Variants in VCAN observed in about 807,000 individuals in gnomAD.
VCAN encodes versican core protein.
A neutral mutation model predicts 245.5 loss-of-function variants in VCAN; 44 were observed. The ratio of observed to expected loss-of-function variants is 0.18; its 90% confidence interval spans 0.14 to 0.23. VCAN has a LOEUF of 0.23. Among genes scored for constraint, VCAN ranks in the 10% least tolerant of loss-of-function variants. The pLI, the probability that VCAN is intolerant of heterozygous loss-of-function variation, is 1.00. For missense variants in VCAN, 3,793 were observed against 4,057.9 expected (o/e 0.93, Z 1.77); for synonymous variants, 1,413 against 1,437.0 (o/e 0.98, Z 0.38).
At chr5:83,514,615 G>T (rs755013098) in intron 6 of VCAN, among the ~76,000 whole-genome samples, 36 of 151,682 alleles carry the variant, frequency 2.4e-4, no homozygotes, top group African/African-American at 7.7e-4. Flanking sequence ...ATGCGCCACC[G>T]TGCCCGGCTA....
At chr5:83,495,270 C>T (rs913339004) in intron 5 of VCAN, among the ~76,000 whole-genome samples, 6 of 152,028 alleles carry the variant, frequency 3.9e-5, no homozygotes, top group Non-Finnish European at 5.9e-5. Flanking sequence ...TCTTAGAGCC[C>T]GAAAGCTAGA....
intron 1 of VCAN, among the ~76,000 whole-genome samples, chr5:83,477,550 A>G (rs1744435730): frequency 6.6e-6 from 1 of 152,224 alleles, no homozygotes; most frequent in South Asian, 2.1e-4. Flanking sequence ...ATAAAAGAAA[A>G]TCATGGGATT....
In VCAN at chr5:83,538,783, G is replaced by A. The variant is rs1293520068; in HGVS notation, c.5780G>A (p.Gly1927Asp). The A allele has an allele frequency of 5.6e-6, 9 of 1,613,894 alleles. No homozygotes were observed. The highest frequency in any genetic ancestry group is 1.1e-5 in the South Asian group (1 of 91,074). ...YGAEIRGFST[G>D]FPLEEDFSGD... is the part of the protein sequence containing the mutation. Reference sequence around the variant, plus strand: ...GCAGAAATAAGGGGCTTTTCCACAGGTTTTCCTTTGGAGGAAGATTTCAGT... The same window carrying A: ...GCAGAAATAAGGGGCTTTTCCACAGATTTTCCTTTGGAGGAAGATTTCAGT... Residue 1927 changes from glycine (G) to aspartate (D), a missense_variant, in exon 8 of 15, where the codon GGT (glycine) becomes GAT (aspartate). Transcript: ENST00000265077.
At position 83,537,274 on chromosome 5, in the gene VCAN, C is replaced by A; in HGVS notation, c.4271C>A (p.Pro1424Gln). Residue 1424 changes from proline (P) to glutamine (Q), a missense_variant, in exon 8 of 15, where the codon CCA becomes CAA. By Grantham distance (76) the Pro-to-Gln change is moderately conservative. Transcript: ENST00000265077. ...KHLVTTVPKD[P>Q]EAAEARRGQF... ...CTCGTTACCACTGTGCCCAAGGACC[C>A]AGAAGCTGCAGAAGCTAGGCGTGGC... is the stretch of plus-strand genomic sequence containing the variant. 1 of 1,613,910 alleles carries A rather than the reference C, an allele frequency of 6.2e-7. No homozygotes were observed. The highest frequency in any genetic ancestry group is 8.5e-7 in the Non-Finnish European group (1 of 1,179,952).
At chr5:83,536,826 G>T (rs2112438659) in intron 7 of VCAN, 181 bp from the exon 8 acceptor site, 3 of 517,528 alleles carry the variant, frequency 5.8e-6, no homozygotes, top group East Asian at 6.3e-5. Context: ...TTTTCTTATT[G>T]TTAATACAAA....
intron 2 of VCAN, among the ~76,000 whole-genome samples, chr5:83,486,909 G>A (rs965707116): frequency 1.3e-5 from 2 of 152,318 alleles, no homozygotes; most frequent in South Asian, 4.1e-4. Context: ...GTAGTAACTT[G>A]TTGAGTCAAG....
intron 5 of VCAN, among the ~76,000 whole-genome samples, chr5:83,500,025 A>T (rs1374590424): frequency 6.6e-6 from 1 of 152,120 alleles, no homozygotes; most frequent in East Asian, 1.9e-4. Flanking sequence ...GCATCTGGAG[A>T]TTGTGTAATT....
In VCAN at chr5:83,547,206, C is replaced by G. The variant is rs117036545; in HGVS notation, c.9380-765C>G. 8.4e-4 allele frequency among the ~76,000 whole-genome samples: 128 copies of G among 152,224 alleles called. 1 individual carries two copies. The East Asian group carries it at 0.016, about 19-fold the overall frequency. On this transcript the variant is annotated intron_variant, in intron 9 of 14. Coordinates refer to ENST00000265077, the MANE Select transcript of VCAN (RefSeq NM_004385.5). Reference sequence around the variant, plus strand: ...TGACAGTCTAAGAAGGTCCTGAGTTCAGGATACTGAATAGTGTTACTTCAC... The same window carrying G: ...TGACAGTCTAAGAAGGTCCTGAGTTGAGGATACTGAATAGTGTTACTTCAC...
In VCAN at chr5:83,512,696, C is replaced by A. The variant is rs145531424; in HGVS notation, c.1042+300C>A. On this transcript the variant is annotated intron_variant, in intron 6 of 14. Transcript: ENST00000265077. ...CTAAGTATTTTATATTAATTGCAGT[C>A]CTTAAGTTTTGCAATTTGTTTATTG... The A allele has an allele frequency of 1.0e-3, 259 of 256,702 alleles. 2 individuals carry two copies. The highest frequency in any genetic ancestry group is 5.3e-3 in the African/African-American group (241 of 45,394). The allele number at this position is 256,702 out of a possible 1,614,324, so 15.9% of individuals were successfully genotyped here. A position where few individuals can be genotyped will look rare whatever the true frequency, so the allele number is the denominator to read the frequency against.
At chr5:83,503,028 T>C (rs1745377681) in intron 5 of VCAN, among the ~76,000 whole-genome samples, 1 of 152,158 alleles carries the variant, frequency 6.6e-6, no homozygotes, top group South Asian at 2.1e-4. Flanking sequence ...AATAATCAAA[T>C]CTTAGAGGAA....
intron 12 of VCAN, among the ~76,000 whole-genome samples, chr5:83,555,653 A>C (rs1580063427): frequency 6.6e-6 from 1 of 152,206 alleles, no homozygotes; most frequent in Non-Finnish European, 1.5e-5. Context: ...CACTCTTACT[A>C]AACTCAAATA....
At chr5:83,474,391 C>CT (rs972804959) in intron 1 of VCAN, among the ~76,000 whole-genome samples, 1 of 152,158 alleles carries the variant, frequency 6.6e-6, no homozygotes, top group East Asian at 1.9e-4. Flanking sequence ...TTAGGATACT[C>CT]TTTTCCCTTT....
Position 83,548,098 on chromosome 5 carries a change from C to T in VCAN, c.9493+14C>T. ...TTTGTGAGCAAGGTAAGAGCTATTGCAACATTTGTATGATGAACATTATTG... is the reference window on the plus strand; with the variant it reads ...TTTGTGAGCAAGGTAAGAGCTATTGTAACATTTGTATGATGAACATTATTG... On this transcript the variant is annotated intron_variant, in intron 10 of 14. Transcript: ENST00000265077. 1.3e-6 allele frequency: 2 copies of T among 1,590,904 alleles called. No homozygotes were observed. Among genetic ancestry groups the T allele is most frequent in the Non-Finnish European group, 1.7e-6 (2 of 1,159,052 alleles).
intron 3 of VCAN, among the ~76,000 whole-genome samples, 192 bp downstream of exon 3, chr5:83,490,664 G>C (rs1429333695): frequency 6.6e-6 from 1 of 152,122 alleles, no homozygotes; most frequent in African/African-American, 2.4e-5. Flanking sequence ...GTGCATTTTT[G>C]GCAGCCACTT....
intron 2 of VCAN, among the ~76,000 whole-genome samples, chr5:83,483,868 A>G (rs900562179): frequency 2.6e-5 from 4 of 152,232 alleles, no homozygotes; most frequent in African/African-American, 9.6e-5. Flanking sequence ...GGTATTGGGC[A>G]TATTTTAAAA....
intron 10 of VCAN, among the ~76,000 whole-genome samples, chr5:83,548,610 C>G (rs1441774337): frequency 2.0e-5 from 3 of 152,150 alleles, no homozygotes; most frequent in Admixed American, 6.5e-5. Context: ...AAAGAAAGCC[C>G]TATGTTCATG....
intron 7 of VCAN, among the ~76,000 whole-genome samples, chr5:83,530,634 T>A (rs1043056355): frequency 2.6e-5 from 4 of 152,132 alleles, no homozygotes; most frequent in Non-Finnish European, 4.4e-5. Context: ...CTTTAGAAAA[T>A]GTATAACATT....
At chr5:83,536,912 G>T (rs899699601) in intron 7 of VCAN, 95 bp from the exon 8 acceptor site, 2 of 995,834 alleles carry the variant, frequency 2.0e-6, no homozygotes, top group Non-Finnish European at 2.9e-6. Flanking sequence ...ATCCTTCTTT[G>T]TGTGTGTGGG....
chr5:83,473,949 C>A (rs1744291630), intron 1 of VCAN, among the ~76,000 whole-genome samples: 1 of 152,144 alleles, frequency 6.6e-6, no homozygotes, highest in East Asian at 1.9e-4. Flanking sequence ...TCGGCTGGAA[C>A]GCACGCGGCG....
Sources: allele counts gnomAD v4.1 joint callset (sites outside exome capture counted in the v4.1 genomes callset), GRCh38; gene constraint gnomAD v4.1.1; transcripts MANE v1.5; gene names NCBI Gene and HGNC (gene_info 2026-07-23, HGNC 2026-07-21).